Variants in NLGN4X observed in about 807,000 individuals in gnomAD.
NLGN4X encodes neuroligin 4 X-linked.
NLGN4X carries 3 observed loss-of-function variants against 40.3 expected under a neutral mutation model. The ratio of observed to expected loss-of-function variants is 0.07; its 90% CI spans 0.03 to 0.19. The LOEUF (loss-of-function observed/expected upper bound fraction) is 0.19, where lower values mean the gene tolerates loss of function less well. NLGN4X is among the 10% of genes least tolerant of loss of function. The probability of loss-of-function intolerance (pLI) is 1.00; values close to 1 mark genes in which losing one functional copy is unlikely to be tolerated. For missense variants in NLGN4X, 382 were observed against 708.3 expected (o/e 0.54, Z 5.23); for synonymous variants, 270 against 306.8 (o/e 0.88, Z 1.25).
chrX:6,209,615 T>TA (rs1189415308), intron 1 of NLGN4X, among the ~76,000 whole-genome samples: 2 of 111,764 alleles, frequency 1.8e-5, no homozygotes, highest in Non-Finnish European at 3.8e-5. Context: ...TAATAGTTTG[T>TA]AAAATTCTCT....
chrX:6,102,999 TTC>T (rs2038952213), intron 2 of NLGN4X, among the ~76,000 whole-genome samples: 1 of 111,575 alleles, frequency 9.0e-6, no homozygotes, highest in Admixed American at 9.5e-5. Context: ...AAGCTGTGAA[TTC>T]TCTGTTTTGG....
At chrX:6,149,707 T>A (rs2040124855) in intron 2 of NLGN4X, among the ~76,000 whole-genome samples, 1 of 111,561 alleles carries the variant, frequency 9.0e-6, no homozygotes, top group Admixed American at 9.6e-5. Flanking sequence ...AAACCACTAA[T>A]ATAATGAAGC....
intron 1 of NLGN4X, among the ~76,000 whole-genome samples, chrX:6,223,832 A>G (rs1284853951): frequency 8.9e-6 from 1 of 112,928 alleles, no homozygotes; most frequent in African/African-American, 3.2e-5. Context: ...TGGCTATTCA[A>G]ATCTGTCTGA....
chrX:5,916,232 G>A (rs981712642), intron 3 of NLGN4X, among the ~76,000 whole-genome samples: 14 of 111,600 alleles, frequency 1.3e-4, no homozygotes, highest in African/African-American at 4.2e-4. Flanking sequence ...CAATTCACAC[G>A]GATTGTAATT....
At chrX:5,922,691 C>T (rs1246992786) in intron 3 of NLGN4X, among the ~76,000 whole-genome samples, 1 of 109,850 alleles carries the variant, frequency 9.1e-6, no homozygotes, top group African/African-American at 3.3e-5. Flanking sequence ...GGTGAAACCT[C>T]GTCTCTACTA....
At chrX:6,027,579 T>C (rs1569194227) in intron 3 of NLGN4X, among the ~76,000 whole-genome samples, 1 of 109,997 alleles carries the variant, frequency 9.1e-6, no homozygotes, top group Non-Finnish European at 1.9e-5. Flanking sequence ...TAGGGTTTCT[T>C]ACAACACCTC....
intron 3 of NLGN4X, among the ~76,000 whole-genome samples, chrX:5,921,496 T>G (rs1323624018): frequency 9.3e-6 from 1 of 107,122 alleles, no homozygotes; most frequent in Non-Finnish European, 1.9e-5. Flanking sequence ...GGGGCATTCC[T>G]TTATTTCCAT....
At chrX:5,909,789 C>A (rs141899280) in intron 3 of NLGN4X, among the ~76,000 whole-genome samples, 2,049 of 110,993 alleles carry the variant, frequency 0.018, 48 homozygotes, top group African/African-American at 0.062. Context: ...TAAGAAACAA[C>A]GTAAGTTACA....
At chrX:6,076,332 A>G (rs1191200559) in intron 2 of NLGN4X, among the ~76,000 whole-genome samples, 4 of 111,786 alleles carry the variant, frequency 3.6e-5, no homozygotes, top group Non-Finnish European at 7.5e-5. Context: ...ACAGCTCCAT[A>G]CACTGGTCCT....
intron 3 of NLGN4X, among the ~76,000 whole-genome samples, chrX:6,015,859 T>C (rs955826874): frequency 1.8e-5 from 2 of 111,699 alleles, no homozygotes; most frequent in African/African-American, 6.5e-5. Flanking sequence ...CTTAAACATA[T>C]ATGAGTCAAT....
chrX:5,920,099 T>C (rs1368358104), intron 3 of NLGN4X, among the ~76,000 whole-genome samples: 1 of 110,994 alleles, frequency 9.0e-6, no homozygotes, highest in Non-Finnish European at 1.9e-5. Flanking sequence ...GAGGTGGAAA[T>C]GAAAGGAAAT....
chrX:6,104,687 C>CA (rs1477509672), intron 2 of NLGN4X, among the ~76,000 whole-genome samples: 1 of 111,017 alleles, frequency 9.0e-6, no homozygotes, highest in Non-Finnish European at 1.9e-5. Flanking sequence ...AGAAAGTGAA[C>CA]AAAAAAGGAA....
At chrX:6,166,608 C>T (rs907866542) in intron 1 of NLGN4X, among the ~76,000 whole-genome samples, 5 of 111,126 alleles carry the variant, frequency 4.5e-5, no homozygotes, top group African/African-American at 1.6e-4. Flanking sequence ...TGGTCATCAC[C>T]TGCGTATCTA....
At chrX:5,916,152 TC>T (rs201885115) in intron 3 of NLGN4X, among the ~76,000 whole-genome samples, 2,674 of 111,408 alleles carry the variant, frequency 0.024, 36 homozygotes, top group Non-Finnish European at 0.035. Context: ...GACCCAGGAG[TC>T]CTAATTCTTT....
intron 2 of NLGN4X, among the ~76,000 whole-genome samples, chrX:6,064,876 C>T (rs1310008927): frequency 9.0e-6 from 1 of 111,024 alleles, no homozygotes; most frequent in Admixed American, 9.6e-5. Flanking sequence ...TGGCCATCAA[C>T]GGTGAACTGG....
chrX:6,086,598 T>C (rs929637752), intron 2 of NLGN4X, among the ~76,000 whole-genome samples: 1 of 111,777 alleles, frequency 8.9e-6, no homozygotes, highest in Non-Finnish European at 1.9e-5. Context: ...TATATTTGTT[T>C]AAATATACAG....
rs1472658870 is a variant in NLGN4X at position 5,890,491 on chromosome X, C to T, written c.*2326G>A. ...TACTGTACATATTGCTAGCAGGAGA[C>T]AACTGGAAATACTAAACAAATACTG... is the stretch of plus-strand genomic sequence containing the variant. On this transcript the variant is annotated 3_prime_UTR_variant, in exon 6 of 6. Transcript: ENST00000381095. 3.4e-6 allele frequency: 1 copy of T among 296,910 alleles called. No individual in the cohort carries two copies. Among genetic ancestry groups the T allele is most frequent in the Non-Finnish European group, 6.4e-6 (1 of 156,259 alleles). The allele number at this position is 296,910 out of a possible 1,213,427, so 24.5% of individuals were successfully genotyped here.
chrX:5,950,619 T>C (rs775414698), intron 3 of NLGN4X, among the ~76,000 whole-genome samples: 1 of 112,078 alleles, frequency 8.9e-6, no homozygotes, highest in Non-Finnish European at 1.9e-5. Context: ...AAACTTTCTG[T>C]ACAAGGAGAT....
chrX:6,078,523 T>C (rs1006558116), intron 2 of NLGN4X, among the ~76,000 whole-genome samples: 1 of 111,324 alleles, frequency 9.0e-6, no homozygotes, highest in African/African-American at 3.3e-5. Context: ...TTGGTTGCAC[T>C]GGGGGAAGAA....
Sources: allele counts gnomAD v4.1 joint callset (sites outside exome capture counted in the v4.1 genomes callset), GRCh38; gene constraint gnomAD v4.1.1; transcripts MANE v1.5; gene names NCBI Gene and HGNC (gene_info 2026-07-23, HGNC 2026-07-21).